The following ATP11A variants were observed in gnomAD, a reference collection of about 807,000 sequenced individuals.
ATP11A encodes the protein ATPase phospholipid transporting 11A.
ATP11A carries 81 observed loss-of-function variants against 154.4 expected under a neutral mutation model. The observed-to-expected ratio is 0.52, with a 90% CI of 0.44 to 0.63. The LOEUF (loss-of-function observed/expected upper bound fraction) is 0.63. ATP11A is among the 30% of genes least tolerant of loss of function. ATP11A has a pLI of 0.00. For synonymous variants in ATP11A, 623 were observed against 585.9 expected (o/e 1.06, Z -0.91); for missense variants, 1,316 against 1,474.3 (o/e 0.89, Z 1.76).
At chr13:112,874,061 C>T (rs1029217791) in intron 27 of ATP11A, among the ~76,000 whole-genome samples, 1 of 152,210 alleles carries the variant, frequency 6.6e-6, no homozygotes, top group African/African-American at 2.4e-5. Context: ...AGCTGGTAAC[C>T]GCCTCCCACA....
In ATP11A at chr13:112,851,328, G is replaced by A. The variant is rs2079759654; in HGVS notation, c.1991+110G>A. 4 of 1,087,580 alleles carry A rather than the reference G, an allele frequency of 3.7e-6. No homozygotes were observed. In the South Asian group the frequency reaches 4.6e-5, roughly 12 times the overall value. The allele number at this position is 1,087,580 out of a possible 1,614,324, so 67.4% of individuals were successfully genotyped here. On this transcript the variant is annotated intron_variant, in intron 18 of 29. Coordinates refer to ENST00000375645, the MANE Select transcript of ATP11A (RefSeq NM_015205.3). ...GAGGGAGGCCATCCGCACAGCCGAC[G>A]GGGCGTGTTTGCTGCTCAGGGAGAG... is the stretch of plus-strand genomic sequence containing the variant.
intron 8 of ATP11A, 56 bp from the exon 9 acceptor site, chr13:112,823,282 TGCCCCCC>T: frequency 7.7e-7 from 1 of 1,303,280 alleles, no homozygotes; most frequent in South Asian, 1.2e-5. Flanking sequence ...GTCTGCCTCT[TGCCCCCC>T]GCCCTGCCCA....
Position 112,883,485 on chromosome 13 carries a change from G to T in ATP11A, c.*1619G>T, listed in dbSNP as rs558791574. ...GGGCTCCGGCAAGTGAAACCCAGAGGGTGTTTCCGAGGTGCTCGACAGTAG... is the reference window on the plus strand; with the variant it reads ...GGGCTCCGGCAAGTGAAACCCAGAGTGTGTTTCCGAGGTGCTCGACAGTAG... On this transcript the variant is annotated 3_prime_UTR_variant, in exon 30 of 30. Coordinates refer to ENST00000375645, the MANE Select transcript of ATP11A (RefSeq NM_015205.3). 3.0e-6 allele frequency: 1 copy of T among 333,342 alleles called. No homozygotes were observed. Among genetic ancestry groups the T allele is most frequent in the South Asian group, 1.6e-4 (1 of 6,448 alleles). 20.6% of individuals were successfully genotyped at this position (333,342 alleles called of 1,614,324 possible). A position where few individuals can be genotyped will look rare whatever the true frequency, so the allele number is the denominator to read the frequency against.
chr13:112,696,199 C>T lies in ATP11A; in HGVS notation c.39+5744C>T, dbSNP rs377326517. 3.0e-4 allele frequency among the ~76,000 whole-genome samples: 45 copies of T among 152,222 alleles called. No homozygotes were observed. The highest frequency in any genetic ancestry group is 9.9e-4 in the African/African-American group (41 of 41,468). On this transcript the variant is annotated intron_variant, in intron 1 of 29. Transcript: ENST00000375645. This position sits in a 1 kb window ranked among gnomAD's most constrained non-coding sequence, Gnocchi z 6.2. ...TCACGGCGCTCGTGCACGCTGGGTG[C>T]CCAGTGCACGGGGCGTCTTTGTTGC...
chr13:112,800,113 T>G lies in ATP11A; in HGVS notation c.163-4844T>G, dbSNP rs148581853. On this transcript the variant is annotated intron_variant, in intron 2 of 29. Transcript: ENST00000375645. Reference sequence around the variant, plus strand: ...ATCCAAAATCTACAAGCTTCAACATTAGGAAACTTAACAAAAAATTAATAA... The same window carrying G: ...ATCCAAAATCTACAAGCTTCAACATGAGGAAACTTAACAAAAAATTAATAA... 1.5e-3 allele frequency among the ~76,000 whole-genome samples: 230 copies of G among 151,966 alleles called. 1 individual carries two copies. The highest frequency in any genetic ancestry group is 5.3e-3 in the African/African-American group (220 of 41,454).
Position 112,878,437 on chromosome 13 carries a change from G to A in ATP11A, c.*9+134G>A, listed in dbSNP as rs954581093. On this transcript the variant is annotated intron_variant, in intron 29 of 29. Coordinates refer to ENST00000375645, the MANE Select transcript of ATP11A (RefSeq NM_015205.3). Reference sequence around the variant, plus strand: ...GCGCTGGGTACAGCAGCCTCACGTCGGGAAGTCCCGCCACCACTTACACCT... The same window carrying A: ...GCGCTGGGTACAGCAGCCTCACGTCAGGAAGTCCCGCCACCACTTACACCT... The A allele has an allele frequency of 6.6e-4, 563 of 850,174 alleles. 5 individuals carry two copies. Among genetic ancestry groups the A allele is most frequent in the Admixed American group, 2.2e-3 (105 of 47,562 alleles). The allele number at this position is 850,174 out of a possible 1,614,324, so 52.7% of individuals were successfully genotyped here.
intron 1 of ATP11A, among the ~76,000 whole-genome samples, chr13:112,715,468 C>CA (rs1295524437): frequency 2.1e-5 from 3 of 139,676 alleles, no homozygotes; most frequent in East Asian, 2.3e-4. Flanking sequence ...TGGCCCATCC[C>CA]CCACACCTGG....
intron 14 of ATP11A, among the ~76,000 whole-genome samples, chr13:112,833,662 C>T (rs1438848875): frequency 6.6e-6 from 1 of 152,118 alleles, no homozygotes; most frequent in South Asian, 2.1e-4. Flanking sequence ...ATGTTTTTGT[C>T]GCTGCTAAAC....
At chr13:112,860,554 A>G (rs1278884980) in intron 24 of ATP11A, 140 bp downstream of exon 24, 1 of 1,009,676 alleles carries the variant, frequency 9.9e-7, no homozygotes, top group Non-Finnish European at 1.4e-6. Flanking sequence ...TTGCTTGATC[A>G]GGAGCTTGTT....
intron 1 of ATP11A, among the ~76,000 whole-genome samples, chr13:112,707,537 C>T (rs898426060): frequency 7.9e-5 from 12 of 152,048 alleles, no homozygotes; most frequent in Admixed American, 6.5e-4. Flanking sequence ...TCATTGAAGC[C>T]GATCCTCTTA....
chr13:112,815,332 A>T lies in ATP11A; in HGVS notation c.442-751A>T, dbSNP rs193189031. Among the ~76,000 whole-genome samples the T allele has an allele frequency of 2.0e-4, 26 of 131,030 alleles. No individual in the cohort carries two copies. The East Asian group carries it at 3.9e-3, about 20-fold the overall frequency. 86.0% of individuals were successfully genotyped at this position (131,030 alleles called of 152,430 possible). ...ACAGTCCAGATCTGCGATACCTTCC[A>T]CACCCTTCAGACACACAGTCCAGGC... On this transcript the variant is annotated intron_variant, in intron 5 of 29. Transcript: ENST00000375645.
intron 25 of ATP11A, among the ~76,000 whole-genome samples, chr13:112,868,593 G>T (rs993044417): frequency 6.6e-6 from 1 of 152,162 alleles, no homozygotes; most frequent in Non-Finnish European, 1.5e-5. Context: ...TGGGGATGGC[G>T]TTGATGTCAC....
chr13:112,826,048 C>A (rs548827597), intron 11 of ATP11A, among the ~76,000 whole-genome samples: 11 of 152,056 alleles, frequency 7.2e-5, no homozygotes, highest in African/African-American at 2.7e-4. Flanking sequence ...CATGAACAAA[C>A]CCAGACCCAT....
At chr13:112,844,510 T>C (rs1271991517) in intron 17 of ATP11A, among the ~76,000 whole-genome samples, 1 of 152,186 alleles carries the variant, frequency 6.6e-6, no homozygotes, top group East Asian at 1.9e-4. Flanking sequence ...TCCCACTCGC[T>C]GGAGACCACC....
At chr13:112,848,458 T>G (rs1305016842) in intron 17 of ATP11A, among the ~76,000 whole-genome samples, 1 of 152,190 alleles carries the variant, frequency 6.6e-6, no homozygotes, top group Non-Finnish European at 1.5e-5. Flanking sequence ...GGGGAGCACA[T>G]TCTTCATGGT....
At chr13:112,813,969 T>G (rs2078573095) in intron 5 of ATP11A, among the ~76,000 whole-genome samples, 1 of 152,220 alleles carries the variant, frequency 6.6e-6, no homozygotes, top group Non-Finnish European at 1.5e-5. Context: ...CTTTGTCAGA[T>G]ATATGATTTT....
At chr13:112,739,185 A>G (rs890342110) in intron 1 of ATP11A, among the ~76,000 whole-genome samples, 2 of 152,178 alleles carry the variant, frequency 1.3e-5, no homozygotes, top group Non-Finnish European at 2.9e-5. Context: ...GTGAAAAGAA[A>G]ATCCACAGAA....
In ATP11A at chr13:112,859,764, G is replaced by T. The variant is rs542120853; in HGVS notation, c.2727+312G>T. 6.6e-6 allele frequency among the ~76,000 whole-genome samples: 1 copy of T among 152,254 alleles called. No homozygotes were observed. Among genetic ancestry groups the T allele is most frequent in the Admixed American group, 6.5e-5 (1 of 15,288 alleles). On this transcript the variant is annotated intron_variant, in intron 23 of 29. Coordinates refer to ENST00000375645, the MANE Select transcript of ATP11A (RefSeq NM_015205.3). This position sits in a 1 kb window ranked among gnomAD's most constrained non-coding sequence, Gnocchi z 4.3. Reference sequence around the variant, plus strand: ...CTGGGCTGGGCATCCTGATGCCACTGCAAGAATTAACTCCAACTCGAGGTC... The same window carrying T: ...CTGGGCTGGGCATCCTGATGCCACTTCAAGAATTAACTCCAACTCGAGGTC...
At chr13:112,876,623 T>C (rs1293601141) in intron 28 of ATP11A, among the ~76,000 whole-genome samples, 1 of 152,206 alleles carries the variant, frequency 6.6e-6, no homozygotes, top group Non-Finnish European at 1.5e-5. Context: ...CAATGCAAGT[T>C]TTCAAGTTTC....
Sources: gnomAD v4.1 joint callset for allele counts (sites outside exome capture counted in the v4.1 genomes callset) on GRCh38, gnomAD v4.1.1 for gene constraint, Gnocchi (gnomAD v3.1) non-coding constraint, MANE v1.5 for transcripts, NCBI Gene and HGNC (gene_info 2026-07-23, HGNC 2026-07-21) for gene names.